TLE4: variants seen among roughly 807,000 people sequenced by gnomAD.
TLE4 encodes the protein TLE family member 4, transcriptional corepressor.
Under a neutral mutation model 92.8 loss-of-function variants are expected in TLE4, and 8 were observed. The observed-to-expected ratio is 0.09, with a 90% CI of 0.05 to 0.16. The LOEUF (loss-of-function observed/expected upper bound fraction) is 0.16. Ranked by LOEUF, TLE4 falls within the 10% of genes least tolerant of loss-of-function variation. The pLI, the probability that TLE4 is intolerant of heterozygous loss-of-function variation, is 1.00. For synonymous variants in TLE4, 371 were observed against 374.1 expected, an observed-to-expected ratio of 0.99 and a Z score of 0.10; for missense variants, 675 against 997.6, an observed-to-expected ratio of 0.68 and a Z score of 4.36.
chr9:79,601,237 CT>C (rs1217163201), intron 4 of TLE4, among the ~76,000 whole-genome samples: 3 of 152,124 alleles, frequency 2.0e-5, no homozygotes, highest in African/African-American at 7.2e-5. Flanking sequence ...ATTTATTATT[CT>C]TTTGAATAGC....
intron 8 of TLE4, among the ~76,000 whole-genome samples, chr9:79,680,593 C>T (rs1467935055): frequency 1.3e-5 from 2 of 152,210 alleles, no homozygotes; most frequent in Non-Finnish European, 2.9e-5. Context: ...TTGACTTCCT[C>T]TTTTCCTAAT....
chr9:79,577,847 G>C (rs1361442057), intron 4 of TLE4, among the ~76,000 whole-genome samples: 1 of 152,098 alleles, frequency 6.6e-6, no homozygotes, highest in African/African-American at 2.4e-5. Flanking sequence ...GTATTTGGCT[G>C]TATGTATTTC....
chr9:79,684,279 G>C (rs1193392599), intron 8 of TLE4, among the ~76,000 whole-genome samples: 1 of 152,080 alleles, frequency 6.6e-6, no homozygotes, highest in East Asian at 1.9e-4. Context: ...CAGTCAGCTG[G>C]GTGGTCTAGA....
chr9:79,653,060 G>T (rs1198418279), intron 7 of TLE4: 1 of 482,976 alleles, frequency 2.1e-6, no homozygotes, highest in East Asian at 4.6e-5. Context: ...TGTTCCCCAG[G>T]TCTAAATCAG....
At chr9:79,578,213 C>T (rs753473505) in intron 4 of TLE4, among the ~76,000 whole-genome samples, 1 of 152,142 alleles carries the variant, frequency 6.6e-6, no homozygotes, top group Non-Finnish European at 1.5e-5. Flanking sequence ...TGGAAAGCAG[C>T]AATAATGCAG....
intron 6 of TLE4, among the ~76,000 whole-genome samples, chr9:79,646,109 A>G (rs1406045985): frequency 6.6e-6 from 1 of 152,004 alleles, no homozygotes; most frequent in East Asian, 1.9e-4. Flanking sequence ...GCTAGTTTAT[A>G]ATGTATCTTA....
chr9:79,613,068 G>A (rs113811356), intron 5 of TLE4, among the ~76,000 whole-genome samples: 2,252 of 152,168 alleles, frequency 0.015, 35 homozygotes, highest in Non-Finnish European at 0.023. Flanking sequence ...AGCTTACTCT[G>A]TACTATTGTC....
intron 8 of TLE4, among the ~76,000 whole-genome samples, chr9:79,661,642 A>G (rs1358994438): frequency 6.6e-6 from 1 of 152,258 alleles, no homozygotes; most frequent in African/African-American, 2.4e-5. Context: ...AGTTATTTCA[A>G]AACTCAGTAA....
chr9:79,670,283 C>A (rs1477198763), intron 8 of TLE4, among the ~76,000 whole-genome samples: 1 of 151,982 alleles, frequency 6.6e-6, no homozygotes, highest in Non-Finnish European at 1.5e-5. Flanking sequence ...AAAGAGACTA[C>A]ACCGACTTGA....
At chr9:79,707,411 C>T (rs912075174) in intron 11 of TLE4, among the ~76,000 whole-genome samples, 2 of 152,180 alleles carry the variant, frequency 1.3e-5, no homozygotes, top group African/African-American at 4.8e-5. Context: ...TCTCCCTGCA[C>T]CCTATTCTTC....
Position 79,681,832 on chromosome 9 carries a change from ATGTGTGTGTGTG to A in TLE4, c.610-22931_610-22920del, listed in dbSNP as rs35005870. On this transcript the variant is annotated intron_variant, in intron 8 of 19. Transcript: ENST00000376552. ...AGAGAGAGAGAGAGAGAGTGTGTGCATGTGTGTGTGTGTGTGTGTGTGTGTGTGTGTATGTGT... is the reference window on the plus strand; with the variant it reads ...AGAGAGAGAGAGAGAGAGTGTGTGCATGTGTGTGTGTGTGTGTGTATGTGT... 8.8e-3 allele frequency among the ~76,000 whole-genome samples: 1,250 copies of A among 141,700 alleles called. 10 individuals are homozygous for A. Among genetic ancestry groups the A allele is most frequent in the Non-Finnish European group, 0.014 (908 of 65,206 alleles). The allele number at this position is 141,700 out of a possible 152,430, so 93.0% of individuals were successfully genotyped here.
At chr9:79,667,607 A>C (rs1022695284) in intron 8 of TLE4, among the ~76,000 whole-genome samples, 2 of 152,180 alleles carry the variant, frequency 1.3e-5, no homozygotes, top group African/African-American at 4.8e-5. Context: ...TGTTTTTAAA[A>C]TACTCCATTA....
At chr9:79,703,555 TAG>T (rs896165196) in intron 8 of TLE4, among the ~76,000 whole-genome samples, 12 of 152,204 alleles carry the variant, frequency 7.9e-5, no homozygotes, top group African/African-American at 2.7e-4. Context: ...TCATGGCAGA[TAG>T]AGTCATTCTC....
At chr9:79,644,726 G>A (rs1360818032) in intron 6 of TLE4, among the ~76,000 whole-genome samples, 1 of 152,224 alleles carries the variant, frequency 6.6e-6, no homozygotes, top group Non-Finnish European at 1.5e-5. Context: ...GCCCTTCCCT[G>A]TGCTTGCTGC....
At chr9:79,702,049 G>A (rs893777549) in intron 8 of TLE4, among the ~76,000 whole-genome samples, 3 of 152,156 alleles carry the variant, frequency 2.0e-5, no homozygotes, top group Non-Finnish European at 4.4e-5. Context: ...GGATAGTGGG[G>A]GATTTCAAAA....
rs114735814 is a variant in TLE4, at chr9:79,651,292, A to G, written c.391-1301A>G. Among the ~76,000 whole-genome samples, 604 of 152,276 alleles carry G rather than the reference A, an allele frequency of 4.0e-3. 5 individuals are homozygous for G. The highest frequency in any genetic ancestry group is 0.014 in the African/African-American group (578 of 41,544). On this transcript the variant is annotated intron_variant, in intron 6 of 19. Transcript: ENST00000376552. ...TGAAGGGATTCCTATTGAGTAATAC[A>G]TTTAATGTCCTTCCTTCACCACCAA...
In TLE4 at chr9:79,652,578, A is replaced by T; in HGVS notation, c.391-15A>T. 1 of 1,613,768 alleles carries T rather than the reference A, an allele frequency of 6.2e-7. No individual in the cohort carries two copies. The highest frequency in any genetic ancestry group is 2.2e-5 in the East Asian group (1 of 44,878). On this transcript the variant is annotated splice_polypyrimidine_tract_variant and intron_variant, in intron 6 of 19. Coordinates refer to ENST00000376552, the MANE Select transcript of TLE4 (RefSeq NM_007005.6). Reference sequence around the variant, plus strand: ...GGGGGCAAATTCAATATCTGTGTTTAATTTTTCACAGCAGCAACAACTCCA... The same window carrying T: ...GGGGGCAAATTCAATATCTGTGTTTTATTTTTCACAGCAGCAACAACTCCA...
At chr9:79,656,622 T>C (rs947283527) in intron 8 of TLE4, among the ~76,000 whole-genome samples, 6 of 152,182 alleles carry the variant, frequency 3.9e-5, no homozygotes, top group Admixed American at 3.3e-4. Flanking sequence ...TAGTGTTGCA[T>C]GTAATGAGGA....
At chr9:79,682,486 C>A (rs765802233) in intron 8 of TLE4, among the ~76,000 whole-genome samples, 1 of 152,098 alleles carries the variant, frequency 6.6e-6, no homozygotes. Flanking sequence ...AGAGGCAAAG[C>A]GGTCAAAAAC....
Sources: allele counts gnomAD v4.1 joint callset (sites outside exome capture counted in the v4.1 genomes callset), GRCh38; gene constraint gnomAD v4.1.1; transcripts MANE v1.5; gene names NCBI Gene and HGNC (gene_info 2026-07-23, HGNC 2026-07-21).